Variants in PAIP2B observed in about 807,000 individuals in gnomAD.
PAIP2B encodes the protein poly(A) binding protein interacting protein 2B, also known as polyadenylate-binding protein-interacting protein 2B.
A neutral mutation model predicts 17.0 loss-of-function variants in PAIP2B; 13 were observed. The observed-to-expected ratio is 0.76, with a 90% CI of 0.50 to 1.22. The LOEUF is 1.22. PAIP2B is among the 50% of genes most tolerant of loss of function. PAIP2B has a pLI of 0.00. For missense variants in PAIP2B, 117 were observed against 144.5 expected (o/e 0.81, Z 0.98); for synonymous variants, 43 against 48.7 (o/e 0.88, Z 0.48).
chr2:71,205,840 G>C (rs572955697), intron 1 of PAIP2B, among the ~76,000 whole-genome samples: 3 of 152,190 alleles, frequency 2.0e-5, no homozygotes, highest in African/African-American at 4.8e-5. Flanking sequence ...CATAAATCGG[G>C]TTAAGAGGCT....
chr2:71,194,459 TTGTG>T (rs141924993), intron 2 of PAIP2B, among the ~76,000 whole-genome samples: 498 of 143,426 alleles, frequency 3.5e-3, no homozygotes, highest in East Asian at 5.4e-3. Flanking sequence ...TATTCCTAGG[TTGTG>T]TGTGTGTGTG....
chr2:71,226,407 A>T (rs1675727379), intron 1 of PAIP2B, among the ~76,000 whole-genome samples: 1 of 152,204 alleles, frequency 6.6e-6, no homozygotes, highest in African/African-American at 2.4e-5. Context: ...AGGCATGAAG[A>T]ATGAGGGCTG....
intron 1 of PAIP2B, among the ~76,000 whole-genome samples, chr2:71,225,480 C>A (rs969857166): frequency 1.3e-5 from 2 of 152,072 alleles, no homozygotes; most frequent in African/African-American, 2.4e-5. Flanking sequence ...AAAAACAATT[C>A]CAATTTTTGA....
chr2:71,201,386 CT>C (rs375101568), intron 2 of PAIP2B, among the ~76,000 whole-genome samples: 11,574 of 143,810 alleles, frequency 0.08, 602 homozygotes, highest in Admixed American at 0.2. Flanking sequence ...AGTTCTTAAT[CT>C]TTTTTTTTTT....
chr2:71,201,018 T>G (rs11286228), intron 2 of PAIP2B, among the ~76,000 whole-genome samples: 5 of 14,406 alleles, frequency 3.5e-4, no homozygotes, highest in African/African-American at 4.7e-4. Context: ...GGTGTGTGTG[T>G]GTGTGTGTGT....
chr2:71,222,019 T>C (rs1402062536), intron 1 of PAIP2B, among the ~76,000 whole-genome samples: 1 of 152,206 alleles, frequency 6.6e-6, no homozygotes, highest in East Asian at 1.9e-4. Flanking sequence ...AGCAGCAACC[T>C]GCTGGGGTCC....
rs1273023818 is a variant in PAIP2B, at chr2:71,227,075, A to G, written c.-159T>C. On this transcript the variant is annotated 5_prime_UTR_variant, in exon 1 of 4. Transcript: ENST00000244221. ...ACAGCACCCGAGAAGCGCCACTACCACTTGCCAGGTTATCTCTTACTGCAC... is the reference window on the plus strand; with the variant it reads ...ACAGCACCCGAGAAGCGCCACTACCGCTTGCCAGGTTATCTCTTACTGCAC... 1 of 152,590 alleles carries G rather than the reference A, an allele frequency of 6.6e-6. No homozygotes were observed. The highest frequency in any genetic ancestry group is 1.5e-5 in the Non-Finnish European group (1 of 67,956). 9.5% of individuals were successfully genotyped at this position (152,590 alleles called of 1,614,324 possible). A position where few individuals can be genotyped will look rare whatever the true frequency, so the allele number is the denominator to read the frequency against.
At chr2:71,221,630 A>G (rs1173643754) in intron 1 of PAIP2B, among the ~76,000 whole-genome samples, 2 of 152,250 alleles carry the variant, frequency 1.3e-5, no homozygotes, top group African/African-American at 4.8e-5. Flanking sequence ...ATAATTATCT[A>G]TGATTATATT....
chr2:71,201,015 GTGT>G (rs776827849), intron 2 of PAIP2B, among the ~76,000 whole-genome samples: 6,431 of 146,734 alleles, frequency 0.044, 172 homozygotes, highest in South Asian at 0.081. Context: ...GTGGGTGTGT[GTGT>G]GTGTGTGTGT....
chr2:71,219,323 A>T (rs774627126), intron 1 of PAIP2B, among the ~76,000 whole-genome samples: 1 of 151,908 alleles, frequency 6.6e-6, no homozygotes, highest in Non-Finnish European at 1.5e-5. Context: ...TTATTTTTAC[A>T]TTTCTTTTCT....
intron 2 of PAIP2B, among the ~76,000 whole-genome samples, chr2:71,198,754 G>T (rs1674897387): frequency 6.6e-6 from 1 of 152,176 alleles, no homozygotes; most frequent in Admixed American, 6.5e-5. Context: ...TTCAAGTTCT[G>T]AGATTCTTTC....
chr2:71,201,442 G>C (rs1674983366), intron 2 of PAIP2B, among the ~76,000 whole-genome samples: 1 of 150,676 alleles, frequency 6.6e-6, no homozygotes, highest in Non-Finnish European at 1.5e-5. Flanking sequence ...GGAGTGCAGT[G>C]GTGCGATTGG....
chr2:71,219,697 T>C (rs1675528469), intron 1 of PAIP2B, among the ~76,000 whole-genome samples: 1 of 152,052 alleles, frequency 6.6e-6, no homozygotes, highest in Non-Finnish European at 1.5e-5. Context: ...TTCATTCACT[T>C]ATTTTTAAAA....
chr2:71,202,383 G>A, intron 2 of PAIP2B, 69 bp downstream of exon 2: 1 of 1,544,346 alleles, frequency 6.5e-7, no homozygotes, highest in Non-Finnish European at 8.8e-7. Flanking sequence ...TAATAAACTG[G>A]CAGTAAAATA....
In PAIP2B at chr2:71,185,218, T is replaced by C. The variant is rs1454873940; in HGVS notation, c.*3261A>G. 1 of 152,178 alleles carries C rather than the reference T, an allele frequency of 6.6e-6. No individual in the cohort carries two copies. The highest frequency in any genetic ancestry group is 2.4e-5 in the African/African-American group (1 of 41,446). The allele number at this position is 152,178 out of a possible 1,614,324, so 9.4% of individuals were successfully genotyped here. A position where few individuals can be genotyped will look rare whatever the true frequency, so the allele number is the denominator to read the frequency against. Reference sequence around the variant, plus strand: ...TAGTAATAAACAATTTGGAAAATGTTGCTTAGTATTTTAAGCCATGGTTAG... The same window carrying C: ...TAGTAATAAACAATTTGGAAAATGTCGCTTAGTATTTTAAGCCATGGTTAG... On this transcript the variant is annotated 3_prime_UTR_variant, in exon 4 of 4. Coordinates refer to ENST00000244221, the MANE Select transcript of PAIP2B (RefSeq NM_020459.1).
intron 1 of PAIP2B, among the ~76,000 whole-genome samples, chr2:71,204,323 C>T (rs1182026779): frequency 6.6e-6 from 1 of 152,088 alleles, no homozygotes; most frequent in Non-Finnish European, 1.5e-5. Flanking sequence ...GGGTTGTTTC[C>T]ATCTTGGCAA....
chr2:71,187,663 T>C lies in PAIP2B; in HGVS notation c.*816A>G, dbSNP rs1674572924. 1 of 152,192 alleles carries C rather than the reference T, an allele frequency of 6.6e-6. No individual in the cohort carries two copies. Among genetic ancestry groups the C allele is most frequent in the Admixed American group, 6.5e-5 (1 of 15,282 alleles). 9.4% of individuals were successfully genotyped at this position (152,192 alleles called of 1,614,324 possible). A position where few individuals can be genotyped will look rare whatever the true frequency, so the allele number is the denominator to read the frequency against. ...GCCTCCCCTATGCCTTTGGTAGCAG[T>C]ATCTTTTCTTAAAAAGGAGGCTGGG... On this transcript the variant is annotated 3_prime_UTR_variant, in exon 4 of 4. Coordinates refer to ENST00000244221, the MANE Select transcript of PAIP2B (RefSeq NM_020459.1).
intron 1 of PAIP2B, among the ~76,000 whole-genome samples, chr2:71,206,440 C>A (rs1675128922): frequency 6.6e-6 from 1 of 152,220 alleles, no homozygotes; most frequent in Non-Finnish European, 1.5e-5. Flanking sequence ...AATGGGAAAG[C>A]TCACAACCCT....
chr2:71,215,573 T>G (rs997446388), intron 1 of PAIP2B, among the ~76,000 whole-genome samples: 2 of 152,346 alleles, frequency 1.3e-5, no homozygotes, highest in Non-Finnish European at 2.9e-5. Flanking sequence ...CCACTGTTTG[T>G]AATACTAGTT....
Sources: gnomAD v4.1 joint callset for allele counts (sites outside exome capture counted in the v4.1 genomes callset) on GRCh38, gnomAD v4.1.1 for gene constraint, MANE v1.5 for transcripts, NCBI Gene and HGNC (gene_info 2026-07-23, HGNC 2026-07-21) for gene names.